DOCK10: variants seen among roughly 807,000 people sequenced by gnomAD.
DOCK10 encodes the protein dedicator of cytokinesis 10.
DOCK10 carries 145 observed loss-of-function variants against 280.1 expected under a neutral mutation model. The ratio of observed to expected loss-of-function variants is 0.52; its 90% confidence interval spans 0.45 to 0.59. The LOEUF is 0.59. Ranked by LOEUF, DOCK10 falls within the 20% of genes least tolerant of loss-of-function variation. The pLI, the probability that DOCK10 is intolerant of heterozygous loss-of-function variation, is 0.00. For missense variants in DOCK10, 2,368 were observed against 2,651.7 expected (o/e 0.89, Z 2.35); for synonymous variants, 915 against 942.2 (o/e 0.97, Z 0.53).
intron 22 of DOCK10, among the ~76,000 whole-genome samples, chr2:224,844,499 A>G (rs901574836): frequency 6.6e-6 from 1 of 152,292 alleles, no homozygotes. Flanking sequence ...CTCCAAGGGG[A>G]GTGTGATCCT....
chr2:224,993,364 G>C (rs1023491879), intron 1 of DOCK10, among the ~76,000 whole-genome samples: 14 of 152,204 alleles, frequency 9.2e-5, no homozygotes, highest in Admixed American at 5.2e-4. Context: ...GAGTAAATGA[G>C]ATAATCCAAA....
At chr2:224,907,046 T>C (rs1166948752) in intron 3 of DOCK10, among the ~76,000 whole-genome samples, 4 of 152,230 alleles carry the variant, frequency 2.6e-5, no homozygotes, top group Non-Finnish European at 5.9e-5. Context: ...AATTTCACTC[T>C]TTGTAAAGAT....
At chr2:224,964,261 T>C (rs1307877089) in intron 1 of DOCK10, among the ~76,000 whole-genome samples, 2 of 152,138 alleles carry the variant, frequency 1.3e-5, no homozygotes, top group Non-Finnish European at 2.9e-5. Flanking sequence ...TACTTGATGA[T>C]TGGTTAAACT....
Position 225,035,580 on chromosome 2 carries a change from ATATATAT to A in DOCK10, c.123+6665_123+6671del, listed in dbSNP as rs1559986982. On this transcript the variant is annotated intron_variant, in intron 1 of 55. Transcript: ENST00000258390. ...TATATATATATATATATATATATAT[ATATATAT>A]AACACTGAATCAGTGTTAATTGTGT... Among the ~76,000 whole-genome samples the A allele has an allele frequency of 9.4e-4, 103 of 109,422 alleles. 3 individuals carry two copies. The highest frequency in any genetic ancestry group is 4.0e-3 in the African/African-American group (93 of 23,188). 71.8% of individuals were successfully genotyped at this position (109,422 alleles called of 152,430 possible).
intron 1 of DOCK10, among the ~76,000 whole-genome samples, chr2:224,975,036 T>C (rs1705351474): frequency 6.6e-6 from 1 of 151,568 alleles, no homozygotes; most frequent in South Asian, 2.1e-4. Flanking sequence ...TTAAGCTGTT[T>C]TGATTTTTCT....
intron 4 of DOCK10, among the ~76,000 whole-genome samples, chr2:224,892,386 A>C (rs1160919127): frequency 8.0e-6 from 1 of 125,604 alleles, no homozygotes. Context: ...GGACGAAGTG[A>C]GACCCTGTCT....
chr2:224,988,808 T>C (rs1279143296), intron 1 of DOCK10, among the ~76,000 whole-genome samples: 1 of 152,202 alleles, frequency 6.6e-6, no homozygotes, highest in African/African-American at 2.4e-5. Context: ...CGAATTTTTT[T>C]AAGGTGCTGT....
chr2:224,897,761 A>G (rs1700069857), intron 3 of DOCK10, among the ~76,000 whole-genome samples: 1 of 152,250 alleles, frequency 6.6e-6, no homozygotes, highest in Admixed American at 6.5e-5. Flanking sequence ...AGAAACATTA[A>G]TGGCACAAAA....
chr2:224,994,104 A>T (rs1706202399), intron 1 of DOCK10, among the ~76,000 whole-genome samples: 1 of 152,230 alleles, frequency 6.6e-6, no homozygotes, highest in Non-Finnish European at 1.5e-5. Flanking sequence ...TTTGTAATTC[A>T]TTTAATATAT....
chr2:224,962,736 A>G lies in DOCK10; in HGVS notation c.124-31068T>C, dbSNP rs1347475524. Among the ~76,000 whole-genome samples the G allele has an allele frequency of 2.0e-5, 3 of 152,342 alleles. No homozygotes were observed. In the East Asian group the frequency reaches 5.8e-4, roughly 29 times the overall value. ...ATATAATCCTTAATCCTACATTTAC[A>G]TTAACAGCAAAATCATTTTCCACTC... On this transcript the variant is annotated intron_variant, in intron 1 of 55. Coordinates refer to ENST00000258390, the MANE Select transcript of DOCK10 (RefSeq NM_014689.3).
At chr2:225,005,490 A>G (rs1341585781) in intron 1 of DOCK10, among the ~76,000 whole-genome samples, 1 of 152,244 alleles carries the variant, frequency 6.6e-6, no homozygotes, top group Non-Finnish European at 1.5e-5. Context: ...ATTACCTGTT[A>G]GTATATACTT....
At chr2:224,886,993 C>A (rs1699341788) in intron 4 of DOCK10, among the ~76,000 whole-genome samples, 1 of 151,874 alleles carries the variant, frequency 6.6e-6, no homozygotes, top group Admixed American at 6.6e-5. Flanking sequence ...GAACTCCTGG[C>A]CTCAAACTAT....
chr2:224,814,423 G>T, intron 30 of DOCK10, 59 bp from the exon 31 acceptor site: 1 of 926,968 alleles, frequency 1.1e-6, no homozygotes, highest in Non-Finnish European at 1.6e-6. Context: ...AGATACATAT[G>T]TATTCATTAT....
At chr2:224,887,106 T>TAGGCA (rs1553605529) in intron 4 of DOCK10, among the ~76,000 whole-genome samples, 1 of 152,188 alleles carries the variant, frequency 6.6e-6, no homozygotes, top group East Asian at 1.9e-4. Context: ...GAGTTAGATG[T>TAGGCA]AGGCAAGCAG....
At chr2:224,934,435 T>G (rs1331768285) in intron 1 of DOCK10, among the ~76,000 whole-genome samples, 1 of 152,202 alleles carries the variant, frequency 6.6e-6, no homozygotes, top group Non-Finnish European at 1.5e-5. Context: ...ATCCAATGCA[T>G]CATAATTTTG....
chr2:224,989,880 A>G (rs553927058), intron 1 of DOCK10, among the ~76,000 whole-genome samples: 5 of 152,114 alleles, frequency 3.3e-5, no homozygotes, highest in African/African-American at 1.2e-4. Flanking sequence ...ATCTCTTTTT[A>G]TCCCCCGACA....
rs374813582 is a variant in DOCK10 at position 224,789,418 on chromosome 2, A to G, written c.5312-248T>C. Among the ~76,000 whole-genome samples the G allele has an allele frequency of 3.9e-5, 6 of 152,320 alleles. No homozygotes were observed. The South Asian group carries it at 1.2e-3, about 32-fold the overall frequency. ...AATAGCATGGGATTATGGATAGAAC[A>G]TAAGATTCGTGGGTAGATGTTGCGG... On this transcript the variant is annotated intron_variant, in intron 47 of 55. Coordinates refer to ENST00000258390, the MANE Select transcript of DOCK10 (RefSeq NM_014689.3).
intron 4 of DOCK10, among the ~76,000 whole-genome samples, chr2:224,888,814 GTGTA>G (rs1459800045): frequency 2.2e-5 from 3 of 138,960 alleles, no homozygotes; most frequent in East Asian, 1.9e-4. Flanking sequence ...ATATATATGT[GTGTA>G]TGTATGTGTG....
intron 2 of DOCK10, among the ~76,000 whole-genome samples, chr2:224,921,112 A>AAATATATATATATATATATAT: frequency 3.7e-5 from 2 of 54,408 alleles, no homozygotes; most frequent in Non-Finnish European, 5.9e-5. Context: ...AAAAAAAAAA[A>AAATATATATATATATATATAT]ATATATATAT....
Sources: gnomAD v4.1 joint callset for allele counts (sites outside exome capture counted in the v4.1 genomes callset) on GRCh38, gnomAD v4.1.1 for gene constraint, MANE v1.5 for transcripts, NCBI Gene and HGNC (gene_info 2026-07-23, HGNC 2026-07-21) for gene names.